Variants in GTF2IRD1 observed in about 807,000 individuals in gnomAD.
The protein encoded by GTF2IRD1 is GTF2I repeat domain containing 1.
GTF2IRD1 carries 26 observed loss-of-function variants against 113.2 expected under a neutral mutation model. The ratio of observed to expected loss-of-function variants is 0.23; its 90% CI spans 0.17 to 0.32. GTF2IRD1 has a LOEUF of 0.32. Among genes scored for constraint, GTF2IRD1 ranks in the 10% least tolerant of loss-of-function variants. GTF2IRD1 has a pLI of 1.00. For synonymous variants in GTF2IRD1, 484 were observed against 529.1 expected (o/e 0.91, Z 1.17); for missense variants, 864 against 1,280.8 (o/e 0.67, Z 4.97).
At position 74,536,189 on chromosome 7, in the gene GTF2IRD1, C is replaced by T; in HGVS notation, c.1323C>T (p.Thr441=). ...IFTGNKFTKD[T]TKLEPASPPE... ...CAGGGAACAAGTTTACCAAAGACAC[C>T]ACGAAGCTGGAGCCAGCCAGCCCGC... The change falls in exon 11 of 27, where the codon ACC becomes ACT. Residue 441 remains threonine, a synonymous_variant. Transcript: ENST00000424337. 1.9e-6 allele frequency: 3 copies of T among 1,613,374 alleles called. No homozygotes were observed. The highest frequency in any genetic ancestry group is 1.7e-6 in the Non-Finnish European group (2 of 1,179,394).
chr7:74,533,535 A>G (rs1411664242), intron 9 of GTF2IRD1, among the ~76,000 whole-genome samples: 3 of 152,140 alleles, frequency 2.0e-5, no homozygotes, highest in Non-Finnish European at 2.9e-5. Flanking sequence ...TGACCTTGTC[A>G]TGACCATTGG....
At chr7:74,489,458 T>G (rs1795211207) in intron 1 of GTF2IRD1, among the ~76,000 whole-genome samples, 1 of 152,130 alleles carries the variant, frequency 6.6e-6, no homozygotes, top group Non-Finnish European at 1.5e-5. Flanking sequence ...TTCTCCTGCC[T>G]CAGCCTCCCA....
At chr7:74,543,289 C>T (rs1171098172) in intron 14 of GTF2IRD1, among the ~76,000 whole-genome samples, 2 of 151,334 alleles carry the variant, frequency 1.3e-5, no homozygotes, top group Admixed American at 6.6e-5. Flanking sequence ...GTGACAAGAG[C>T]GAAACTCTGT....
chr7:74,516,211 T>A (rs1285912394), intron 4 of GTF2IRD1, among the ~76,000 whole-genome samples: 4 of 152,226 alleles, frequency 2.6e-5, no homozygotes, highest in African/African-American at 4.8e-5. Context: ...GCACTGAGGC[T>A]CTGCTCCTGG....
At chr7:74,487,145 C>G (rs868909838) in intron 1 of GTF2IRD1, among the ~76,000 whole-genome samples, 1 of 152,194 alleles carries the variant, frequency 6.6e-6, no homozygotes, top group Non-Finnish European at 1.5e-5. Flanking sequence ...TCACATGATT[C>G]TCCCTGCCTC....
At chr7:74,540,772 G>C (rs1798590387) in intron 14 of GTF2IRD1, among the ~76,000 whole-genome samples, 1 of 151,796 alleles carries the variant, frequency 6.6e-6, no homozygotes, top group South Asian at 2.1e-4. Flanking sequence ...AACATAGAGA[G>C]ACCCATCTCT....
chr7:74,519,509 G>A lies in GTF2IRD1; in HGVS notation c.706G>A (p.Ala236Thr). 6.2e-7 allele frequency: 1 copy of A among 1,610,312 alleles called. No individual in the cohort carries two copies. Among genetic ancestry groups the A allele is most frequent in the South Asian group, 1.1e-5 (1 of 90,644 alleles). Residue 236 changes from alanine (A) to threonine (T), a missense_variant, in exon 6 of 27, where the codon GCC (alanine) becomes ACC (threonine). Ala to Thr is a moderately conservative substitution (Grantham distance 58). Coordinates refer to ENST00000424337, the MANE Select transcript of GTF2IRD1 (RefSeq NM_005685.4). Reference sequence around the variant, plus strand: ...ACGGGACTGTGGCCTGCATGGCCAGGCCCCCAAGGTGCCACCCCAGGACCT... The same window carrying A: ...ACGGGACTGTGGCCTGCATGGCCAGACCCCCAAGGTGCCACCCCAGGACCT... Reference protein sequence around the residue: ...GSRDCGLHGQAPKVPPQDLPP... With the variant: ...GSRDCGLHGQTPKVPPQDLPP...
At chr7:74,497,549 C>T (rs782744644) in intron 1 of GTF2IRD1, among the ~76,000 whole-genome samples, 1 of 152,024 alleles carries the variant, frequency 6.6e-6, no homozygotes. Flanking sequence ...GCTACTGGAC[C>T]TGGCTGGTAG....
chr7:74,581,455 TGAA>T (rs1419064188), intron 22 of GTF2IRD1, among the ~76,000 whole-genome samples: 5 of 152,234 alleles, frequency 3.3e-5, no homozygotes, highest in Admixed American at 3.3e-4. Context: ...ACCCTGGCCT[TGAA>T]GGGCCCGGTA....
intron 1 of GTF2IRD1, among the ~76,000 whole-genome samples, chr7:74,460,421 T>G (rs1793286020): frequency 6.6e-6 from 1 of 150,956 alleles, no homozygotes; most frequent in Non-Finnish European, 1.5e-5. Flanking sequence ...AAAAAAATTT[T>G]TTTTTTTTAG....
At chr7:74,477,364 A>C (rs1397081771) in intron 1 of GTF2IRD1, among the ~76,000 whole-genome samples, 4 of 21,954 alleles carry the variant, frequency 1.8e-4, no homozygotes, top group Non-Finnish European at 5.5e-4. Context: ...TTTTGTGTCC[A>C]AAAAAAAAAG....
intron 1 of GTF2IRD1, among the ~76,000 whole-genome samples, chr7:74,477,641 T>C (rs1260557106): frequency 3.9e-5 from 6 of 152,036 alleles, no homozygotes; most frequent in Non-Finnish European, 5.9e-5. Context: ...AGGTTTTACA[T>C]AGCAGGTGGG....
intron 24 of GTF2IRD1, 23 bp downstream of exon 24, chr7:74,591,040 G>A (rs782802191): frequency 6.7e-5 from 105 of 1,573,238 alleles, no homozygotes; most frequent in Admixed American, 1.8e-4. Flanking sequence ...CCTCTGGAAC[G>A]GGGAACAGAG....
chr7:74,584,091 AAG>A (rs1361202348), intron 22 of GTF2IRD1, among the ~76,000 whole-genome samples: 1 of 152,250 alleles, frequency 6.6e-6, no homozygotes, highest in East Asian at 1.9e-4. Context: ...AGCCAGGAAA[AAG>A]AGACTCAAGC....
chr7:74,588,628 T>C (rs1206239852), intron 22 of GTF2IRD1, among the ~76,000 whole-genome samples: 3 of 152,150 alleles, frequency 2.0e-5, no homozygotes, highest in East Asian at 3.9e-4. Context: ...CCTTCCAGGC[T>C]CAAGTGATTC....
chr7:74,468,106 C>T (rs37628), intron 1 of GTF2IRD1, among the ~76,000 whole-genome samples: 43,475 of 151,934 alleles, frequency 0.29, 6,811 homozygotes, highest in Middle Eastern at 0.43. Context: ...CACAGCTCCC[C>T]GAGTCCTGGT....
intron 4 of GTF2IRD1, among the ~76,000 whole-genome samples, chr7:74,516,840 G>A (rs1242939233): frequency 6.6e-6 from 1 of 152,136 alleles, no homozygotes; most frequent in African/African-American, 2.4e-5. Context: ...GAGAGGATGG[G>A]CCTCTTTCTG....
intron 19 of GTF2IRD1, 65 bp from the exon 20 acceptor site, chr7:74,557,574 C>T: frequency 4.5e-6 from 5 of 1,119,052 alleles, no homozygotes. Flanking sequence ...AATCATCTTC[C>T]TTAAAAGTCA....
At chr7:74,595,633 C>T (rs1183295509) in intron 25 of GTF2IRD1, among the ~76,000 whole-genome samples, 11 of 152,168 alleles carry the variant, frequency 7.2e-5, no homozygotes, top group East Asian at 3.8e-4. Context: ...CCCCTCTCCA[C>T]GCTGGGGCCT....
Sources: allele counts gnomAD v4.1 joint callset (sites outside exome capture counted in the v4.1 genomes callset), GRCh38; gene constraint gnomAD v4.1.1; transcripts MANE v1.5; gene names NCBI Gene and HGNC (gene_info 2026-07-23, HGNC 2026-07-21).